MLKL: variants seen among roughly 807,000 people sequenced by gnomAD.
The protein encoded by MLKL is mixed lineage kinase domain like pseudokinase.
A neutral mutation model predicts 56.5 loss-of-function variants in MLKL; 55 were observed. The observed-to-expected ratio is 0.97, with a 90% CI of 0.78 to 1.22. MLKL has a LOEUF of 1.22. Ranked by LOEUF, MLKL falls within the 50% of genes most tolerant of loss-of-function variation. The pLI is 0.00. For synonymous variants in MLKL, 251 were observed against 208.3 expected, an observed-to-expected ratio of 1.20 and a Z score of -1.76; for missense variants, 694 against 573.9, an observed-to-expected ratio of 1.21 and a Z score of -2.14.
chr16:74,681,639 A>C (rs1412522793), intron 6 of MLKL, among the ~76,000 whole-genome samples: 3 of 151,820 alleles, frequency 2.0e-5, no homozygotes, highest in African/African-American at 4.8e-5. Context: ...TAAAAATACA[A>C]AAAAATTAGC....
At position 74,674,954 on chromosome 16, in the gene MLKL, C is replaced by T. The variant is rs201366482; in HGVS notation, c.1381+6G>A. 227 of 1,611,850 alleles carry T rather than the reference C, an allele frequency of 1.4e-4. No homozygotes were observed. The highest frequency in any genetic ancestry group is 3.0e-4 in the Admixed American group (18 of 59,224). On this transcript the variant is annotated splice_donor_region_variant and intron_variant, in intron 10 of 10. Coordinates refer to ENST00000308807, the MANE Select transcript of MLKL (RefSeq NM_152649.4). Reference sequence around the variant, plus strand: ...CTCACGCTCTTTACACCAGAAAGAACCCTACCATCCACAGAGGGCCGCACA... The same window carrying T: ...CTCACGCTCTTTACACCAGAAAGAATCCTACCATCCACAGAGGGCCGCACA...
At chr16:74,686,635 C>G (rs116364679) in intron 4 of MLKL, among the ~76,000 whole-genome samples, 36 of 152,252 alleles carry the variant, frequency 2.4e-4, no homozygotes, top group African/African-American at 8.7e-4. Flanking sequence ...AACCAAAATT[C>G]CTTCCAAAAC....
chr16:74,691,251 C>G (rs373647414), intron 4 of MLKL, 26 bp downstream of exon 4: 9 of 1,587,802 alleles, frequency 5.7e-6, no homozygotes, highest in Non-Finnish European at 7.7e-6. Flanking sequence ...TTGGTACACA[C>G]GAGAGAACCA....
At chr16:74,673,413 T>A (rs750533740) in intron 10 of MLKL, among the ~76,000 whole-genome samples, 26 of 152,158 alleles carry the variant, frequency 1.7e-4, no homozygotes, top group Non-Finnish European at 3.2e-4. Flanking sequence ...AGATAGGGTT[T>A]CACCATGTTG....
At chr16:74,686,593 C>A (rs1022876264) in intron 4 of MLKL, among the ~76,000 whole-genome samples, 32 of 152,126 alleles carry the variant, frequency 2.1e-4, no homozygotes, top group Admixed American at 7.2e-4. Context: ...CACACACACA[C>A]AAAAAAAGAT....
intron 7 of MLKL, chr16:74,675,995 G>C: frequency 1.9e-6 from 1 of 522,602 alleles, no homozygotes; most frequent in South Asian, 2.8e-5. Flanking sequence ...TATAAAATGG[G>C]GCGATGACAG....
intron 6 of MLKL, among the ~76,000 whole-genome samples, chr16:74,679,374 C>A (rs546655581): frequency 6.6e-6 from 1 of 152,316 alleles, no homozygotes; most frequent in East Asian, 1.9e-4. Context: ...TGGGGTCCCG[C>A]TGACTTCCAG....
intron 1 of MLKL, among the ~76,000 whole-genome samples, chr16:74,698,877 G>C (rs2144576555): frequency 6.6e-6 from 1 of 152,330 alleles, no homozygotes; most frequent in Middle Eastern, 3.4e-3. Flanking sequence ...GCTTTGGAAG[G>C]CCGAGGCAGG....
intron 5 of MLKL, among the ~76,000 whole-genome samples, chr16:74,683,424 C>T (rs1164377749): frequency 2.0e-5 from 3 of 150,972 alleles, no homozygotes; most frequent in African/African-American, 7.3e-5. Context: ...GATGAAACCT[C>T]GTCTCTATGA....
At chr16:74,696,662 T>A (rs1961061234) in intron 1 of MLKL, among the ~76,000 whole-genome samples, 2 of 151,264 alleles carry the variant, frequency 1.3e-5, no homozygotes, top group East Asian at 1.9e-4. Flanking sequence ...ATGAAATAAA[T>A]AAAATATAAA....
chr16:74,693,313 C>A (rs979571304), intron 2 of MLKL, among the ~76,000 whole-genome samples: 5 of 151,664 alleles, frequency 3.3e-5, no homozygotes, highest in African/African-American at 9.7e-5. Context: ...ACTAAAAATA[C>A]AAAAATTAGC....
At chr16:74,698,388 C>T (rs901610871) in intron 1 of MLKL, among the ~76,000 whole-genome samples, 1 of 152,004 alleles carries the variant, frequency 6.6e-6, no homozygotes, top group Admixed American at 6.6e-5. Context: ...ATGAGTAAGG[C>T]ACTGGCAGAA....
chr16:74,700,488 C>T lies in MLKL; in HGVS notation c.-38G>A, dbSNP rs1961321347. 6.6e-6 allele frequency: 1 copy of T among 152,488 alleles called. No homozygotes were observed. Among genetic ancestry groups the T allele is most frequent in the Non-Finnish European group, 1.5e-5 (1 of 68,246 alleles). The allele number at this position is 152,488 out of a possible 1,614,324, so 9.4% of individuals were successfully genotyped here. ...CCCGAGGGGTGTGCGTCCAATCTGT[C>T]CCGTGCACAGTTCCAAAAAGCTCGC... On this transcript the variant is annotated 5_prime_UTR_variant, in exon 1 of 11. Transcript: ENST00000308807.
intron 2 of MLKL, among the ~76,000 whole-genome samples, chr16:74,694,754 T>C (rs1481199762): frequency 6.6e-6 from 1 of 152,136 alleles, no homozygotes; most frequent in Non-Finnish European, 1.5e-5. Context: ...AGAGACCCTG[T>C]CTCAAAAAAT....
At chr16:74,682,071 C>A (rs1334784112) in intron 6 of MLKL, among the ~76,000 whole-genome samples, 1 of 150,458 alleles carries the variant, frequency 6.6e-6, no homozygotes, top group African/African-American at 2.4e-5. Flanking sequence ...CATGGCAAAA[C>A]CTTATCTCTA....
chr16:74,686,985 T>C (rs556836809), intron 4 of MLKL, among the ~76,000 whole-genome samples: 3 of 152,214 alleles, frequency 2.0e-5, no homozygotes, highest in Non-Finnish European at 4.4e-5. Context: ...TTTTGTTTGT[T>C]TGTTTTTTGA....
At chr16:74,675,826 G>A in intron 7 of MLKL, 62 bp from the exon 8 acceptor site, 1 of 1,546,074 alleles carries the variant, frequency 6.5e-7, no homozygotes, top group Admixed American at 1.8e-5. Flanking sequence ...GTAAAGGGCA[G>A]GGATTGTTGC....
chr16:74,694,246 G>A (rs1055034870), intron 2 of MLKL, among the ~76,000 whole-genome samples: 1 of 152,124 alleles, frequency 6.6e-6, no homozygotes, highest in Non-Finnish European at 1.5e-5. Flanking sequence ...TTTGATAAAG[G>A]TTGCACAAAT....
At chr16:74,690,344 T>C (rs1026400811) in intron 4 of MLKL, among the ~76,000 whole-genome samples, 2 of 152,182 alleles carry the variant, frequency 1.3e-5, no homozygotes, top group African/African-American at 4.8e-5. Flanking sequence ...TAGTACTTAG[T>C]CACTTAATAT....
Sources: allele counts gnomAD v4.1 joint callset (sites outside exome capture counted in the v4.1 genomes callset), GRCh38; gene constraint gnomAD v4.1.1; transcripts MANE v1.5; gene names NCBI Gene and HGNC (gene_info 2026-07-23, HGNC 2026-07-21).